The following BANK1 variants were observed in gnomAD, a reference collection of about 807,000 sequenced individuals.
BANK1 encodes B cell scaffold protein with ankyrin repeats 1.
BANK1 carries 95 observed loss-of-function variants against 94.5 expected under a neutral mutation model. The ratio of observed to expected loss-of-function variants is 1.00; its 90% CI spans 0.85 to 1.19. The LOEUF is 1.19. BANK1 is among the 50% of genes most tolerant of loss of function. BANK1 has a pLI of 0.00. For synonymous variants in BANK1, 334 were observed against 308.4 expected, an observed-to-expected ratio of 1.08 and a Z score of -0.87; for missense variants, 987 against 932.2, an observed-to-expected ratio of 1.06 and a Z score of -0.77.
At position 101,860,054 on chromosome 4, in the gene BANK1, G is replaced by C. The variant is rs533229198; in HGVS notation, c.625-2472G>C. 2.0e-5 allele frequency among the ~76,000 whole-genome samples: 3 copies of C among 152,272 alleles called. No individual in the cohort carries two copies. In the East Asian group the frequency reaches 5.8e-4, roughly 29 times the overall value. On this transcript the variant is annotated intron_variant, in intron 3 of 16. Coordinates refer to ENST00000322953, the MANE Select transcript of BANK1 (RefSeq NM_017935.5). ...AGCTGAAGTTGCAGGAGGATTTTGT[G>C]GAGCTGGTGAGACCTGAGTTGGACA...
intron 14 of BANK1, 94 bp from the exon 15 acceptor site, chr4:102,072,251 A>T: frequency 9.2e-7 from 1 of 1,086,808 alleles, no homozygotes; most frequent in South Asian, 1.4e-5. Flanking sequence ...CCCATATCTT[A>T]CCTTTGTAGA....
intron 7 of BANK1, among the ~76,000 whole-genome samples, chr4:101,959,855 G>A (rs1193344003): frequency 1.3e-5 from 2 of 152,144 alleles, no homozygotes; most frequent in African/African-American, 4.8e-5. Context: ...ATGAATTATG[G>A]TTTAAGTTGT....
intron 7 of BANK1, among the ~76,000 whole-genome samples, chr4:102,006,735 C>T (rs562305397): frequency 1.8e-3 from 269 of 151,836 alleles, no homozygotes; most frequent in Middle Eastern, 3.4e-3. Context: ...TCATGACAGA[C>T]AATCTTTCAT....
chr4:102,012,704 A>G (rs1359379715), intron 7 of BANK1, among the ~76,000 whole-genome samples: 1 of 152,086 alleles, frequency 6.6e-6, no homozygotes, highest in Non-Finnish European at 1.5e-5. Flanking sequence ...GATAAATGCA[A>G]TGTCCAACAA....
At chr4:102,007,509 C>T (rs549814943) in intron 7 of BANK1, among the ~76,000 whole-genome samples, 171 of 151,886 alleles carry the variant, frequency 1.1e-3, no homozygotes, top group African/African-American at 3.9e-3. Flanking sequence ...AATAGGGGGC[C>T]AGGGAAACAA....
rs185228649 is a variant in BANK1 at position 102,010,083 on chromosome 4, G to A, written c.1207-11431G>A. On this transcript the variant is annotated intron_variant, in intron 7 of 16. Transcript: ENST00000322953. ...AGATCGAGACCATCCTGGCTAACAC[G>A]GTGAAACCCGTCTCTACTAAAAATA... 7.2e-3 allele frequency among the ~76,000 whole-genome samples: 1,067 copies of A among 147,618 alleles called. 7 individuals carry two copies. Among genetic ancestry groups the A allele is most frequent in the African/African-American group, 0.022 (912 of 41,024 alleles).
intron 6 of BANK1, among the ~76,000 whole-genome samples, chr4:101,914,114 T>A (rs564198144): frequency 2.6e-5 from 4 of 152,324 alleles, no homozygotes; most frequent in Non-Finnish European, 5.9e-5. Flanking sequence ...GTTGTTTGTC[T>A]ATGCCTGACA....
chr4:101,821,648 G>GT (rs1285466143), intron 1 of BANK1, among the ~76,000 whole-genome samples: 3 of 151,966 alleles, frequency 2.0e-5, no homozygotes, highest in Non-Finnish European at 2.9e-5. Context: ...TTTGGTTTGG[G>GT]TTTTTTTGTT....
chr4:101,935,219 G>C (rs1431776222), intron 7 of BANK1, among the ~76,000 whole-genome samples: 1 of 151,408 alleles, frequency 6.6e-6, no homozygotes, highest in East Asian at 2.0e-4. Context: ...AATTAACATA[G>C]TAAAACTGAA....
intron 7 of BANK1, among the ~76,000 whole-genome samples, chr4:102,015,650 C>T (rs1726672177): frequency 6.6e-6 from 1 of 152,090 alleles, no homozygotes; most frequent in Non-Finnish European, 1.5e-5. Context: ...TACTGGTTAC[C>T]AGACAGTGAG....
At chr4:101,917,372 C>T (rs1190726712) in intron 6 of BANK1, among the ~76,000 whole-genome samples, 1 of 151,894 alleles carries the variant, frequency 6.6e-6, no homozygotes, top group Non-Finnish European at 1.5e-5. Flanking sequence ...TAATAAATAT[C>T]TTCTAATTGA....
At chr4:102,061,872 AT>A (rs1022040115) in intron 12 of BANK1, 10 of 152,152 alleles carry the variant, frequency 6.6e-5, no homozygotes, top group Non-Finnish European at 1.5e-4. Context: ...TTAAAAAATT[AT>A]TTTTTTAAAT....
At chr4:101,989,698 TA>T (rs1032844602) in intron 7 of BANK1, among the ~76,000 whole-genome samples, 3 of 152,062 alleles carry the variant, frequency 2.0e-5, no homozygotes, top group African/African-American at 7.2e-5. Context: ...TTACTCTGTA[TA>T]GACAGCCTCT....
At chr4:102,069,169 G>A (rs1399474514) in intron 13 of BANK1, among the ~76,000 whole-genome samples, 1 of 152,128 alleles carries the variant, frequency 6.6e-6, no homozygotes, top group African/African-American at 2.4e-5. Context: ...TGAATGTTAT[G>A]GTATTGCACT....
chr4:101,902,671 G>T (rs1372063094), intron 6 of BANK1, among the ~76,000 whole-genome samples: 1 of 152,046 alleles, frequency 6.6e-6, no homozygotes, highest in Non-Finnish European at 1.5e-5. Flanking sequence ...AATTTATTGA[G>T]CCTTGCTTTA....
Position 101,995,825 on chromosome 4 carries a change from C to T in BANK1, c.1207-25689C>T, listed in dbSNP as rs1725859286. On this transcript the variant is annotated intron_variant, in intron 7 of 16. Transcript: ENST00000322953. ...CATTCTTTTAAATTTGTTTAAGTTC[C>T]TTGTAGATTCTGGATATTAGCCCTT... 2.0e-5 allele frequency among the ~76,000 whole-genome samples: 3 copies of T among 151,862 alleles called. 1 individual carries two copies. Among genetic ancestry groups the T allele is most frequent in the Non-Finnish European group, 4.4e-5 (3 of 67,950 alleles).
At chr4:101,876,046 G>A (rs79576654) in intron 5 of BANK1, among the ~76,000 whole-genome samples, 3,912 of 152,240 alleles carry the variant, frequency 0.026, 177 homozygotes, top group African/African-American at 0.09. Flanking sequence ...ACTTTGTGTG[G>A]CATATAGGAT....
chr4:101,882,689 TTA>T (rs1361554298), intron 5 of BANK1, among the ~76,000 whole-genome samples: 2 of 152,212 alleles, frequency 1.3e-5, no homozygotes, highest in African/African-American at 2.4e-5. Context: ...AGGAATGTCC[TTA>T]TGTGTACAAT....
chr4:101,996,874 A>G (rs1392911952), intron 7 of BANK1, among the ~76,000 whole-genome samples: 1 of 152,208 alleles, frequency 6.6e-6, no homozygotes, highest in Non-Finnish European at 1.5e-5. Context: ...GTCATCTGCA[A>G]ACAGAGACAA....
Sources: allele counts gnomAD v4.1 joint callset (sites outside exome capture counted in the v4.1 genomes callset), GRCh38; gene constraint gnomAD v4.1.1; transcripts MANE v1.5; gene names NCBI Gene and HGNC (gene_info 2026-07-23, HGNC 2026-07-21).